ZNF638: variants seen among roughly 807,000 people sequenced by gnomAD.
ZNF638 encodes zinc finger protein 638, also known as CTCL tumor antigen se33-1.
In ZNF638, 46 loss-of-function variants were observed where a neutral mutation model predicts 195.6. The observed-to-expected ratio is 0.24, with a 90% CI of 0.19 to 0.30. ZNF638 has a LOEUF of 0.30. ZNF638 is among the 10% of genes least tolerant of loss of function. The pLI is 1.00. For missense variants in ZNF638, 2,440 were observed against 2,325.3 expected, an observed-to-expected ratio of 1.05 and a Z score of -1.01; for synonymous variants, 845 against 772.0, an observed-to-expected ratio of 1.09 and a Z score of -1.57.
At chr2:71,410,498 A>G (rs1051404028) in intron 20 of ZNF638, among the ~76,000 whole-genome samples, 1 of 152,222 alleles carries the variant, frequency 6.6e-6, no homozygotes, top group Middle Eastern at 3.4e-3. Context: ...GGTGTGAACC[A>G]CTGTGCTTGG....
intron 10 of ZNF638, among the ~76,000 whole-genome samples, chr2:71,389,129 TC>T (rs1208760095): frequency 6.6e-6 from 1 of 151,944 alleles, no homozygotes; most frequent in Non-Finnish European, 1.5e-5. Flanking sequence ...CGCCTCCTCT[TC>T]CCTCAGCCCT....
At chr2:71,380,307 G>C (rs1418962551) in intron 9 of ZNF638, 27 bp downstream of exon 9, 2 of 1,480,216 alleles carry the variant, frequency 1.4e-6, no homozygotes, top group African/African-American at 2.9e-5. Context: ...TTTCATATGT[G>C]AGAATGAAAT....
At chr2:71,369,311 A>G (rs990371189) in intron 7 of ZNF638, among the ~76,000 whole-genome samples, 16 of 141,524 alleles carry the variant, frequency 1.1e-4, no homozygotes, top group Admixed American at 1.0e-3. Flanking sequence ...CAACAGAGTA[A>G]GGCTCCGTCT....
intron 8 of ZNF638, among the ~76,000 whole-genome samples, chr2:71,370,461 G>A (rs2079289621): frequency 6.6e-6 from 1 of 152,116 alleles, no homozygotes; most frequent in Admixed American, 6.6e-5. Flanking sequence ...TTCCTTAGAA[G>A]TATCAAGTTT....
chr2:71,346,624 C>G (rs2078854364), intron 1 of ZNF638, among the ~76,000 whole-genome samples: 1 of 152,072 alleles, frequency 6.6e-6, no homozygotes, highest in African/African-American at 2.4e-5. Flanking sequence ...TAAGACTTAG[C>G]CATGAACATA....
chr2:71,404,106 GACAC>G, intron 17 of ZNF638, 108 bp downstream of exon 17: 2 of 1,153,208 alleles, frequency 1.7e-6, no homozygotes, highest in Non-Finnish European at 2.4e-6. Flanking sequence ...TTTTCTCACA[GACAC>G]TGAGAAAGCT....
At chr2:71,373,086 A>G (rs1353621321) in intron 8 of ZNF638, among the ~76,000 whole-genome samples, 1 of 152,208 alleles carries the variant, frequency 6.6e-6, no homozygotes, top group African/African-American at 2.4e-5. Flanking sequence ...AAGATTGCTC[A>G]CTAAATAACT....
chr2:71,338,838 T>C (rs962193522), intron 1 of ZNF638, among the ~76,000 whole-genome samples: 7 of 152,186 alleles, frequency 4.6e-5, no homozygotes, highest in African/African-American at 1.7e-4. Flanking sequence ...CTCCATCCCA[T>C]CCTTACTGAT....
At chr2:71,333,831 A>C (rs189828849) in intron 1 of ZNF638, among the ~76,000 whole-genome samples, 1 of 152,216 alleles carries the variant, frequency 6.6e-6, no homozygotes, top group Non-Finnish European at 1.5e-5. Context: ...TAAGTGAGAC[A>C]GTGTATGGAA....
chr2:71,340,949 A>G (rs990157425), intron 1 of ZNF638, among the ~76,000 whole-genome samples: 1 of 152,252 alleles, frequency 6.6e-6, no homozygotes, highest in African/African-American at 2.4e-5. Flanking sequence ...GGTGTTTGAT[A>G]TAAATCTTTT....
chr2:71,347,657 A>G (rs1233368184), intron 1 of ZNF638, among the ~76,000 whole-genome samples: 1 of 152,232 alleles, frequency 6.6e-6, no homozygotes, highest in Admixed American at 6.5e-5. Context: ...TTAATTGTAG[A>G]AAAGGCAAGT....
chr2:71,348,448 C>A (rs905123175), intron 1 of ZNF638: 1 of 1,014,178 alleles, frequency 9.9e-7, no homozygotes, highest in African/African-American at 1.7e-5. Context: ...GAAATAAATT[C>A]CCAGTATTTT....
At chr2:71,390,042 A>G (rs2079738968) in intron 10 of ZNF638, among the ~76,000 whole-genome samples, 1 of 152,152 alleles carries the variant, frequency 6.6e-6, no homozygotes, top group East Asian at 1.9e-4. Context: ...GCCAGGTCAT[A>G]AGAAGAGGCA....
intron 20 of ZNF638, among the ~76,000 whole-genome samples, chr2:71,409,550 C>T (rs1200379965): frequency 6.6e-6 from 1 of 152,168 alleles, no homozygotes; most frequent in Non-Finnish European, 1.5e-5. Context: ...TCCATAACCT[C>T]TACACTCACA....
intron 8 of ZNF638, chr2:71,376,384 C>A (rs1288396508): frequency 2.2e-5 from 3 of 138,420 alleles, no homozygotes; most frequent in African/African-American, 5.4e-5. Flanking sequence ...AGTATGTGGA[C>A]AATTGTTTTT....
At chr2:71,359,076 C>CAA (rs2079068052) in intron 3 of ZNF638, among the ~76,000 whole-genome samples, 2 of 152,086 alleles carry the variant, frequency 1.3e-5, no homozygotes, top group Non-Finnish European at 2.9e-5. Flanking sequence ...ATGTGACTCG[C>CAA]TTAGTGTGAT....
chr2:71,418,640 G>T lies in ZNF638; in HGVS notation c.3299+1G>T. On this transcript the variant is annotated splice_donor_variant, in intron 21 of 27. Transcript: ENST00000264447. LOFTEE classifies it high-confidence loss of function. The stretch of plus-strand genomic sequence containing the variant: ...ATGACCCAGAATTAGAAAAAGAAAG[G>T]TATGTTGCTTTATGTTTACTAACAC... 1.3e-6 allele frequency: 2 copies of T among 1,557,580 alleles called. No homozygotes were observed. The highest frequency in any genetic ancestry group is 1.7e-6 in the Non-Finnish European group (2 of 1,152,110).
intron 27 of ZNF638, 56 bp downstream of exon 27, chr2:71,433,339 A>C: frequency 8.1e-7 from 1 of 1,232,916 alleles, no homozygotes; most frequent in African/African-American, 1.5e-5. Flanking sequence ...TTAGAATCAA[A>C]TTATTTATCT....
chr2:71,424,025 A>T lies in ZNF638; in HGVS notation c.4511A>T (p.Asp1504Val). 3 of 1,613,630 alleles carry T rather than the reference A, an allele frequency of 1.9e-6. No homozygotes were observed. The highest frequency in any genetic ancestry group is 1.1e-5 in the South Asian group (1 of 91,058). ...AGACCTTCCATCATGAAACGGGATG[A>T]CAGCAACAATAAGGTGAGGAGGGTA... ...EARPSIMKRD[D>V]SNNKTLAEQN... Residue 1504 changes from aspartate to valine, a missense_variant, in exon 22 of 28, where the codon GAC (aspartate) becomes GTC (valine). Physicochemically the swap from Asp to Val is radical, Grantham distance 152. This residue lies in a region of ZNF638 where 1,883 missense variants were observed against 1,739.1 expected (regional missense o/e 1.08). Transcript: ENST00000264447.
Sources: gnomAD v4.1 joint callset for allele counts (sites outside exome capture counted in the v4.1 genomes callset) on GRCh38, gnomAD v4.1.1 for gene constraint, gnomAD v4.1.1 regional missense constraint, MANE v1.5 for transcripts, NCBI Gene and HGNC (gene_info 2026-07-23, HGNC 2026-07-21) for gene names.